Variants in LMTK2 observed in about 807,000 individuals in gnomAD.
The protein encoded by LMTK2 is lemur tail kinase 2.
LMTK2 carries 37 observed loss-of-function variants against 127.5 expected under a neutral mutation model. The ratio of observed to expected loss-of-function variants is 0.29; its 90% CI spans 0.22 to 0.38. The LOEUF is 0.38. LMTK2 is among the 10% of genes least tolerant of loss of function. The pLI, the probability that LMTK2 is intolerant of heterozygous loss-of-function variation, is 1.00. For synonymous variants in LMTK2, 819 were observed against 810.1 expected (o/e 1.01, Z -0.19); for missense variants, 1,694 against 1,920.3 (o/e 0.88, Z 2.20).
In LMTK2 at chr7:98,193,890, C is replaced by T; in HGVS notation, c.3425C>T (p.Pro1142Leu). 6.2e-7 allele frequency: 1 copy of T among 1,614,122 alleles called. No individual in the cohort carries two copies. The highest frequency in any genetic ancestry group is 1.6e-4 in the Middle Eastern group (1 of 6,062). ...QEQPLPEPVL[P>L]EQSPAAQDSC... ...CAGCCCCTACCCGAGCCAGTCCTCC[C>T]CGAGCAAAGTCCTGCTGCCCAGGAT... is the stretch of plus-strand genomic sequence containing the variant. Residue 1142 changes from proline (P) to leucine (L), a missense_variant, in exon 11 of 14, where the codon CCC (proline) becomes CTC (leucine). Transcript: ENST00000297293. The surrounding 1 kb of genome is among the most constrained non-coding windows in gnomAD (Gnocchi z 4.1).
In LMTK2 at chr7:98,194,152, G is replaced by T. The variant is rs1220438953; in HGVS notation, c.3687G>T (p.Gly1229=). The T allele has an allele frequency of 5.0e-6, 8 of 1,613,880 alleles. No homozygotes were observed. The highest frequency in any genetic ancestry group is 6.8e-6 in the Non-Finnish European group (8 of 1,180,032). Residue 1229 remains glycine, a synonymous_variant, in exon 11 of 14, where the codon GGG becomes GGT. Coordinates refer to ENST00000297293, the MANE Select transcript of LMTK2 (RefSeq NM_014916.4). This position sits in a 1 kb window ranked among gnomAD's most constrained non-coding sequence, Gnocchi z 5.4. ...DDRPCTLAST[G]TNTNELLAYT... ...GCCCCTGCACCCTCGCTTCCACGGGGACCAACACGAACGAACTCCTTGCCT... is the reference window on the plus strand; with the variant it reads ...GCCCCTGCACCCTCGCTTCCACGGGTACCAACACGAACGAACTCCTTGCCT...
In LMTK2 at chr7:98,205,735, C is replaced by CGTG; in HGVS notation, c.*244_*245insTGG. ...TCAGTGCCCCGTGCACCCGCGGCCG[C>CGTG]GGCCTCCCAGGCAGTGCTCATGCGC... On this transcript the variant is annotated 3_prime_UTR_variant, in exon 14 of 14. Transcript: ENST00000297293. 1 of 576,454 alleles carries CGTG rather than the reference C, an allele frequency of 1.7e-6. No homozygotes were observed. The highest frequency in any genetic ancestry group is 3.1e-6 in the Non-Finnish European group (1 of 321,258). 35.7% of individuals were successfully genotyped at this position (576,454 alleles called of 1,614,324 possible).
chr7:98,110,156 T>C (rs117985144), intron 1 of LMTK2, among the ~76,000 whole-genome samples: 11 of 152,300 alleles, frequency 7.2e-5, no homozygotes, highest in Non-Finnish European at 1.0e-4. Context: ...AGAGAAAGCA[T>C]GCAGTTAACT....
Position 98,207,565 on chromosome 7 carries a change from C to T in LMTK2, c.*2073C>T, listed in dbSNP as rs1451960521. 6.6e-6 allele frequency: 1 copy of T among 151,442 alleles called. No homozygotes were observed. The highest frequency in any genetic ancestry group is 1.5e-5 in the Non-Finnish European group (1 of 67,948). The allele number at this position is 151,442 out of a possible 1,614,324, so 9.4% of individuals were successfully genotyped here. A position where few individuals can be genotyped will look rare whatever the true frequency, so the allele number is the denominator to read the frequency against. ...GATGATTTTGCCAAAATTGTCATGA[C>T]TCTGAATTCTTGCTGTGGGGACTTC... On this transcript the variant is annotated 3_prime_UTR_variant, in exon 14 of 14. Transcript: ENST00000297293.
At chr7:98,107,848 A>T (rs1234765629) in intron 1 of LMTK2, among the ~76,000 whole-genome samples, 1 of 152,226 alleles carries the variant, frequency 6.6e-6, no homozygotes, top group East Asian at 1.9e-4. Flanking sequence ...TGATTAGAGT[A>T]GCAGGCGTTG....
intron 3 of LMTK2, 94 bp downstream of exon 3, chr7:98,141,635 T>C: frequency 8.4e-7 from 1 of 1,197,148 alleles, no homozygotes; most frequent in Non-Finnish European, 1.2e-6. Flanking sequence ...ACTGCCCATC[T>C]CCTCTTTGGT....
chr7:98,190,641 T>TA, intron 9 of LMTK2, 87 bp from the exon 10 acceptor site: 1 of 1,241,616 alleles, frequency 8.1e-7, no homozygotes, highest in South Asian at 1.3e-5. Context: ...ACCTTGTCCT[T>TA]AAAATTACTG....
intron 1 of LMTK2, among the ~76,000 whole-genome samples, chr7:98,131,687 T>C (rs1210829127): frequency 6.6e-6 from 1 of 152,226 alleles, no homozygotes; most frequent in Non-Finnish European, 1.5e-5. Context: ...GGATTAAAAA[T>C]ACGATTTAAA....
At chr7:98,135,290 C>T (rs772612568) in intron 1 of LMTK2, among the ~76,000 whole-genome samples, 2 of 151,946 alleles carry the variant, frequency 1.3e-5, no homozygotes, top group Non-Finnish European at 2.9e-5. Flanking sequence ...CTTAATTAGC[C>T]ATAGATGAGG....
chr7:98,204,002 A>G lies in LMTK2; in HGVS notation c.4299A>G (p.Thr1433=). The change falls in exon 13 of 14, where the codon ACA becomes ACG. Residue 1433 remains threonine, a synonymous_variant. Coordinates refer to ENST00000297293, the MANE Select transcript of LMTK2 (RefSeq NM_014916.4). The part of the protein sequence containing the change: ...FSPDPFMSKT[T]SNLLSSKPSL... ...CAGATCCTTTTATGTCAAAGACAAC[A>G]AGTAACCTGCTCAGCTCCAAGCCTT... 3 of 1,614,180 alleles carry G rather than the reference A, an allele frequency of 1.9e-6. No individual in the cohort carries two copies. The highest frequency in any genetic ancestry group is 2.2e-5 in the East Asian group (1 of 44,876).
intron 5 of LMTK2, among the ~76,000 whole-genome samples, chr7:98,158,284 C>T (rs1177291787): frequency 2.6e-5 from 4 of 152,036 alleles, no homozygotes; most frequent in Admixed American, 2.0e-4. Flanking sequence ...TTGTTGTTGT[C>T]GTTGTTTTGA....
intron 11 of LMTK2, among the ~76,000 whole-genome samples, chr7:98,199,513 C>T (rs924317644): frequency 6.7e-6 from 1 of 148,404 alleles, no homozygotes; most frequent in East Asian, 1.9e-4. Context: ...TTTCTTTTTT[C>T]GGAGACAGTC....
At chr7:98,181,602 T>C (rs1398041190) in intron 7 of LMTK2, among the ~76,000 whole-genome samples, 1 of 152,190 alleles carries the variant, frequency 6.6e-6, no homozygotes, top group Non-Finnish European at 1.5e-5. Context: ...TATAGACCAA[T>C]GAAATAGAAG....
At position 98,154,782 on chromosome 7, in the gene LMTK2, G is replaced by C. The variant is rs1430624864; in HGVS notation, c.475G>C (p.Gly159Arg). ...GGTTCTCTTGGGAGAGATTTACACG[G>C]GCACTAGCGTAGCAAGAGTCATCGT... ...GKVLLGEIYT[G>R]TSVARVIVKE... Residue 159 changes from glycine (G) to arginine (R), a missense_variant, in exon 5 of 14, where the codon GGC becomes CGC. Coordinates refer to ENST00000297293, the MANE Select transcript of LMTK2 (RefSeq NM_014916.4). The C allele has an allele frequency of 1.2e-6, 2 of 1,612,544 alleles. No individual in the cohort carries two copies. Among genetic ancestry groups the C allele is most frequent in the Non-Finnish European group, 8.5e-7 (1 of 1,178,714 alleles).
chr7:98,117,337 C>G (rs1796301425), intron 1 of LMTK2, among the ~76,000 whole-genome samples: 1 of 152,186 alleles, frequency 6.6e-6, no homozygotes, highest in Non-Finnish European at 1.5e-5. Context: ...CTCACTGCAG[C>G]CTTGAACTCC....
At chr7:98,201,657 T>G (rs1253712053) in intron 11 of LMTK2, among the ~76,000 whole-genome samples, 1 of 152,172 alleles carries the variant, frequency 6.6e-6, no homozygotes, top group African/African-American at 2.4e-5. Flanking sequence ...TGTCACTAGC[T>G]GGAGTACAGT....
At chr7:98,128,264 G>C (rs914428622) in intron 1 of LMTK2, among the ~76,000 whole-genome samples, 1 of 152,206 alleles carries the variant, frequency 6.6e-6, no homozygotes, top group Non-Finnish European at 1.5e-5. Flanking sequence ...TTTGGAGATA[G>C]GCCTTTTAAA....
intron 7 of LMTK2, among the ~76,000 whole-genome samples, chr7:98,181,262 A>G (rs546275311): frequency 9.8e-5 from 15 of 152,298 alleles, no homozygotes; most frequent in African/African-American, 3.4e-4. Context: ...TCACATGTCA[A>G]CTAGATTTGT....
intron 5 of LMTK2, among the ~76,000 whole-genome samples, chr7:98,158,421 C>A (rs994542038): frequency 6.6e-6 from 1 of 152,162 alleles, no homozygotes; most frequent in South Asian, 2.1e-4. Context: ...ACCACAGTTG[C>A]GCGTCCCCAC....
Sources: gnomAD v4.1 joint callset for allele counts (sites outside exome capture counted in the v4.1 genomes callset) on GRCh38, gnomAD v4.1.1 for gene constraint, Gnocchi (gnomAD v3.1) non-coding constraint, MANE v1.5 for transcripts, NCBI Gene and HGNC (gene_info 2026-07-23, HGNC 2026-07-21) for gene names.